DRC11: variants seen among roughly 807,000 people sequenced by gnomAD.
DRC11 encodes the protein IQ and AAA domain-containing protein 1.
At chr2:236,397,851 C>T in the DRC11 span, among the ~76,000 whole-genome samples, 6 of 152,224 alleles carry the variant, frequency 3.9e-5, no homozygotes, top group African/African-American at 1.4e-4. This position sits in a 1 kb window ranked among gnomAD's most constrained non-coding sequence, Gnocchi z 5.0. Context: ...CACCCCATCC[C>T]ACCACTGTAA....
chr2:236,322,812 T>C, the DRC11 span, among the ~76,000 whole-genome samples: 2 of 152,236 alleles, frequency 1.3e-5, no homozygotes, highest in Non-Finnish European at 2.9e-5. Context: ...GAAATGAACA[T>C]TGAATACAAT....
At chr2:236,394,674 G>A in the DRC11 span, among the ~76,000 whole-genome samples, 9 of 152,108 alleles carry the variant, frequency 5.9e-5, no homozygotes, top group Non-Finnish European at 8.8e-5. The surrounding 1 kb of genome is among the most constrained non-coding windows in gnomAD (Gnocchi z 7.0). Context: ...GATACCAGAG[G>A]TGAGCACAGA....
At chr2:236,457,350 C>G in the DRC11 span, among the ~76,000 whole-genome samples, 66,300 of 152,116 alleles carry the variant, frequency 0.44, 14,967 homozygotes, top group African/African-American at 0.5. This position sits in a 1 kb window ranked among gnomAD's most constrained non-coding sequence, Gnocchi z 4.7. Context: ...ACACCAGACA[C>G]TGAACATCAA....
chr2:236,467,803 C>A, the DRC11 span, among the ~76,000 whole-genome samples: 1 of 152,138 alleles, frequency 6.6e-6, no homozygotes, highest in African/African-American at 2.4e-5. Context: ...TGGAAAAAAA[C>A]ATTATCTTAA....
At chr2:236,505,329 C>A in the DRC11 span, among the ~76,000 whole-genome samples, 2 of 152,150 alleles carry the variant, frequency 1.3e-5, no homozygotes, top group Non-Finnish European at 2.9e-5. Context: ...AATGGGAATT[C>A]TTTTCAAGTT....
chr2:236,405,946 C>A, the DRC11 span, among the ~76,000 whole-genome samples: 5 of 152,158 alleles, frequency 3.3e-5, no homozygotes, highest in African/African-American at 9.7e-5. This position sits in a 1 kb window ranked among gnomAD's most constrained non-coding sequence, Gnocchi z 4.6. Flanking sequence ...ACTTATGGGT[C>A]ACACTTGACC....
the DRC11 span, among the ~76,000 whole-genome samples, chr2:236,418,721 C>G: frequency 6.6e-6 from 1 of 152,186 alleles, no homozygotes; most frequent in Non-Finnish European, 1.5e-5. Context: ...ATCCAGATGT[C>G]AGCGCTAGAT....
chr2:236,503,623 A>G, the DRC11 span: 2 of 1,549,858 alleles, frequency 1.3e-6, no homozygotes, highest in Non-Finnish European at 8.7e-7. This position sits in a 1 kb window ranked among gnomAD's most constrained non-coding sequence, Gnocchi z 4.9. Flanking sequence ...GGATCCCTGC[A>G]TCATTACCTG....
the DRC11 span, among the ~76,000 whole-genome samples, chr2:236,492,460 C>T: frequency 6.6e-6 from 1 of 152,186 alleles, no homozygotes; most frequent in Middle Eastern, 3.2e-3. Context: ...TTGGAATCTT[C>T]CTTAACACCA....
chr2:236,350,737 C>T, the DRC11 span, among the ~76,000 whole-genome samples: 13 of 152,330 alleles, frequency 8.5e-5, no homozygotes, highest in East Asian at 7.7e-4. This position sits in a 1 kb window ranked among gnomAD's most constrained non-coding sequence, Gnocchi z 5.2. Context: ...TGACCTGTAC[C>T]GCTACCTGAT....
At chr2:236,494,070 T>C in the DRC11 span, among the ~76,000 whole-genome samples, 1 of 151,994 alleles carries the variant, frequency 6.6e-6, no homozygotes, top group Non-Finnish European at 1.5e-5. The surrounding 1 kb of genome is among the most constrained non-coding windows in gnomAD (Gnocchi z 4.2). Flanking sequence ...AGACACAAAG[T>C]CAGAAAGAAA....
At chr2:236,459,648 TATATGTATATAC>T in the DRC11 span, among the ~76,000 whole-genome samples, 260 of 132,870 alleles carry the variant, frequency 2.0e-3, no homozygotes, top group Middle Eastern at 4.1e-3. Flanking sequence ...TATATACGTA[TATATGTATATAC>T]ATACGTATAT....
chr2:236,399,589 C>T, the DRC11 span: 1 of 914,758 alleles, frequency 1.1e-6, no homozygotes, highest in South Asian at 1.4e-5. This position sits in a 1 kb window ranked among gnomAD's most constrained non-coding sequence, Gnocchi z 7.0. Context: ...CGCGCAGGCC[C>T]AGTCCTGGTC....
chr2:236,418,502 T>TC, the DRC11 span, among the ~76,000 whole-genome samples: 1 of 152,218 alleles, frequency 6.6e-6, no homozygotes, highest in Non-Finnish European at 1.5e-5. Flanking sequence ...AAGCCTGAGA[T>TC]CCGTTTCTCA....
At chr2:236,354,787 C>A in the DRC11 span, among the ~76,000 whole-genome samples, 1 of 152,154 alleles carries the variant, frequency 6.6e-6, no homozygotes, top group Admixed American at 6.5e-5. Context: ...ACACACAGTG[C>A]CCGGGGCCTC....
the DRC11 span, among the ~76,000 whole-genome samples, chr2:236,341,278 G>A: frequency 2.0e-5 from 3 of 152,208 alleles, no homozygotes; most frequent in African/African-American, 7.2e-5. Context: ...CAGCCCGTGC[G>A]CCTCATTCTT....
chr2:236,358,449 AT>A, the DRC11 span, among the ~76,000 whole-genome samples: 1 of 141,630 alleles, frequency 7.1e-6, no homozygotes, highest in Admixed American at 7.1e-5. Flanking sequence ...AAATATACAT[AT>A]AAAAAGTATA....
the DRC11 span, among the ~76,000 whole-genome samples, chr2:236,462,959 TTTA>T: frequency 6.6e-6 from 1 of 152,194 alleles, no homozygotes; most frequent in African/African-American, 2.4e-5. This position sits in a 1 kb window ranked among gnomAD's most constrained non-coding sequence, Gnocchi z 6.4. Context: ...AAATTATTTA[TTTA>T]TTGTCTTTTT....
chr2:236,465,083 G>C, the DRC11 span, among the ~76,000 whole-genome samples: 3 of 152,118 alleles, frequency 2.0e-5, no homozygotes, highest in Non-Finnish European at 4.4e-5. The surrounding 1 kb of genome is among the most constrained non-coding windows in gnomAD (Gnocchi z 6.2). Flanking sequence ...AAGGAGACCT[G>C]GTGGCCAGGT....
Sources: allele counts gnomAD v4.1 joint callset (sites outside exome capture counted in the v4.1 genomes callset), GRCh38; gene constraint gnomAD v4.1.1; non-coding constraint Gnocchi (gnomAD v3.1); transcripts MANE v1.5; gene names NCBI Gene and HGNC (gene_info 2026-07-23, HGNC 2026-07-21).